The following MSI2 variants were observed in gnomAD, a reference collection of about 807,000 sequenced individuals.
MSI2 encodes the protein RNA-binding protein Musashi homolog 2.
Under a neutral mutation model 45.6 loss-of-function variants are expected in MSI2, and 17 were observed. That is an observed-to-expected ratio of 0.37 (90% CI 0.26 to 0.56). The LOEUF (loss-of-function observed/expected upper bound fraction) is 0.56. Ranked by LOEUF, MSI2 falls within the 20% of genes least tolerant of loss-of-function variation. MSI2 has a pLI of 0.77. For missense variants in MSI2, 293 were observed against 444.2 expected, an observed-to-expected ratio of 0.66 and a Z score of 3.06; for synonymous variants, 156 against 158.2, an observed-to-expected ratio of 0.99 and a Z score of 0.11.
At chr17:57,585,014 C>T (rs1038030552) in intron 7 of MSI2, among the ~76,000 whole-genome samples, 3 of 152,022 alleles carry the variant, frequency 2.0e-5, no homozygotes, top group African/African-American at 7.2e-5. Flanking sequence ...GACGGGGTTT[C>T]ACCATGTTGG....
At chr17:57,695,235 G>T in the MSI2 span, among the ~76,000 whole-genome samples, 3 of 152,202 alleles carry the variant, frequency 2.0e-5, no homozygotes, top group African/African-American at 7.2e-5. Flanking sequence ...CTGGGTCTTT[G>T]TGGAAGGGGG....
At chr17:57,404,154 G>A (rs1349734094) in intron 6 of MSI2, among the ~76,000 whole-genome samples, 1 of 152,204 alleles carries the variant, frequency 6.6e-6, no homozygotes, top group Non-Finnish European at 1.5e-5. Context: ...GGGGCTGGTA[G>A]TGGTATTCTC....
chr17:57,475,775 G>A (rs2085525411), intron 6 of MSI2, among the ~76,000 whole-genome samples: 1 of 148,476 alleles, frequency 6.7e-6, no homozygotes. Flanking sequence ...AGTGTTGTCT[G>A]TGTGTGTATG....
intron 5 of MSI2, among the ~76,000 whole-genome samples, chr17:57,302,681 G>A (rs1241466399): frequency 1.3e-5 from 2 of 152,192 alleles, no homozygotes; most frequent in East Asian, 3.9e-4. Context: ...GTGTCTATTA[G>A]CTTGCAGCAC....
intron 6 of MSI2, among the ~76,000 whole-genome samples, chr17:57,466,185 A>C (rs1396849530): frequency 3.9e-5 from 6 of 152,276 alleles, no homozygotes; most frequent in African/African-American, 1.4e-4. Context: ...ATTTGGACCC[A>C]ACGTTTAGTG....
intron 5 of MSI2, among the ~76,000 whole-genome samples, chr17:57,374,166 T>A (rs2083459855): frequency 6.6e-6 from 1 of 152,222 alleles, no homozygotes; most frequent in South Asian, 2.1e-4. Context: ...AGACAGAAGC[T>A]ATATGCAGAA....
intron 9 of MSI2, among the ~76,000 whole-genome samples, chr17:57,622,100 G>A (rs1018642400): frequency 1.3e-5 from 2 of 152,240 alleles, no homozygotes; most frequent in African/African-American, 4.8e-5. Flanking sequence ...TCGGGAGGCT[G>A]AGGCAGAAGA....
intron 7 of MSI2, among the ~76,000 whole-genome samples, chr17:57,585,375 T>G (rs78966531): frequency 5.3e-5 from 8 of 152,202 alleles, no homozygotes; most frequent in Admixed American, 2.0e-4. Context: ...GCTAGCTATC[T>G]TCTCAGAAGT....
chr17:57,595,220 G>C (rs188565927), intron 7 of MSI2, among the ~76,000 whole-genome samples: 272 of 152,236 alleles, frequency 1.8e-3, no homozygotes, highest in Non-Finnish European at 3.2e-3. Context: ...AATAGACACA[G>C]AGTTTGAAAA....
intron 5 of MSI2, among the ~76,000 whole-genome samples, chr17:57,394,505 T>A (rs1358091357): frequency 6.6e-6 from 1 of 152,206 alleles, no homozygotes; most frequent in Admixed American, 6.5e-5. Context: ...AAAAGGGCTT[T>A]TCCATAGGGG....
intron 6 of MSI2, among the ~76,000 whole-genome samples, chr17:57,414,454 A>G (rs921071699): frequency 1.3e-5 from 2 of 151,920 alleles, no homozygotes; most frequent in Admixed American, 6.6e-5. Flanking sequence ...CAGTGGTGCA[A>G]TCTTGGCTCA....
At chr17:57,582,467 A>C (rs1412115711) in intron 7 of MSI2, among the ~76,000 whole-genome samples, 1 of 152,152 alleles carries the variant, frequency 6.6e-6, no homozygotes, top group African/African-American at 2.4e-5. Flanking sequence ...ATATGATTGA[A>C]TATGCTGGTT....
chr17:57,632,413 A>G (rs1452448024), intron 10 of MSI2: 6 of 1,066,102 alleles, frequency 5.6e-6, no homozygotes, highest in African/African-American at 1.6e-5. Context: ...GGCTGTTGGC[A>G]TAATCACAAG....
chr17:57,306,157 G>T (rs181739561), intron 5 of MSI2, among the ~76,000 whole-genome samples: 1 of 151,902 alleles, frequency 6.6e-6, no homozygotes, highest in Non-Finnish European at 1.5e-5. Context: ...CTCTGGGGAC[G>T]CTGAATCAGG....
chr17:57,700,762 C>T, the MSI2 span, among the ~76,000 whole-genome samples: 4 of 152,044 alleles, frequency 2.6e-5, no homozygotes, highest in South Asian at 2.1e-4. Flanking sequence ...AATAGCTGGG[C>T]GTGGTGGCAG....
intron 7 of MSI2, among the ~76,000 whole-genome samples, chr17:57,588,825 T>C (rs1904552966): frequency 6.6e-6 from 1 of 151,828 alleles, no homozygotes; most frequent in South Asian, 2.1e-4. Context: ...AATTGATGAG[T>C]ATGGAACAGT....
intron 8 of MSI2, chr17:57,600,850 T>G (rs1353873275): frequency 6.6e-6 from 1 of 152,240 alleles, no homozygotes. Flanking sequence ...TTATGCATCA[T>G]GCATCTTATT....
chr17:57,437,242 C>T (rs2084706432), intron 6 of MSI2, among the ~76,000 whole-genome samples: 1 of 152,018 alleles, frequency 6.6e-6, no homozygotes, highest in Non-Finnish European at 1.5e-5. Flanking sequence ...CTATTTTTAT[C>T]GTGTTGTAGC....
In MSI2 at chr17:57,595,603, T is replaced by G. The variant is rs144976227; in HGVS notation, c.455-1265T>G. ...GAGAGAAAAAACAAGCTTTCTAATG[T>G]CTTTCTGTAAGGGCACTAATTCCAT... is the stretch of plus-strand genomic sequence containing the variant. On this transcript the variant is annotated intron_variant, in intron 7 of 13. Coordinates refer to ENST00000284073, the MANE Select transcript of MSI2 (RefSeq NM_138962.4). 5.3e-5 allele frequency among the ~76,000 whole-genome samples: 8 copies of G among 152,168 alleles called. 1 individual carries two copies. In the East Asian group the frequency reaches 1.6e-3, roughly 29 times the overall value.
Sources: gnomAD v4.1 joint callset for allele counts (sites outside exome capture counted in the v4.1 genomes callset) on GRCh38, gnomAD v4.1.1 for gene constraint, MANE v1.5 for transcripts, NCBI Gene and HGNC (gene_info 2026-07-23, HGNC 2026-07-21) for gene names.